PAK2: variants seen among roughly 807,000 people sequenced by gnomAD.
The protein encoded by PAK2 is p21 (RAC1) activated kinase 2.
In PAK2, 21 loss-of-function variants were observed where a neutral mutation model predicts 65.9. That is an observed-to-expected ratio of 0.32 (90% CI 0.23 to 0.46). The LOEUF (loss-of-function observed/expected upper bound fraction) is 0.46. Among genes scored for constraint, PAK2 ranks in the 20% least tolerant of loss-of-function variants. PAK2 has a pLI of 1.00. For synonymous variants in PAK2, 204 were observed against 219.7 expected, an observed-to-expected ratio of 0.93 and a Z score of 0.63; for missense variants, 324 against 642.6, an observed-to-expected ratio of 0.50 and a Z score of 5.36.
intron 2 of PAK2, 38 bp downstream of exon 2, chr3:196,782,871 G>A (rs752365116): frequency 3.6e-6 from 5 of 1,374,908 alleles, no homozygotes; most frequent in South Asian, 1.3e-5. Context: ...CTCAGCATTG[G>A]TTTATTATTG....
chr3:196,827,531 C>G, intron 14 of PAK2, 198 bp downstream of exon 14: 1 of 670,340 alleles, frequency 1.5e-6, no homozygotes, highest in Non-Finnish European at 1.8e-6. Context: ...CATGTTCCCA[C>G]TCATAGGTGG....
chr3:196,761,942 G>T (rs1713987818), intron 1 of PAK2, among the ~76,000 whole-genome samples: 1 of 138,658 alleles, frequency 7.2e-6, no homozygotes, highest in Admixed American at 7.0e-5. Flanking sequence ...TTCTCAGACG[G>T]GGCAGCTGCC....
chr3:196,741,009 G>A (rs1424540357), intron 1 of PAK2, among the ~76,000 whole-genome samples: 1 of 152,208 alleles, frequency 6.6e-6, no homozygotes, highest in African/African-American at 2.4e-5. Flanking sequence ...TGGGCAGTGT[G>A]AGCGTGATTT....
intron 1 of PAK2, among the ~76,000 whole-genome samples, chr3:196,751,329 C>A (rs1446390521): frequency 6.6e-6 from 1 of 151,962 alleles, no homozygotes; most frequent in Non-Finnish European, 1.5e-5. Flanking sequence ...GTACTTAATG[C>A]AAACCATGTT....
At chr3:196,766,938 G>GTA (rs1432073099) in intron 1 of PAK2, among the ~76,000 whole-genome samples, 1 of 129,476 alleles carries the variant, frequency 7.7e-6, no homozygotes, top group Non-Finnish European at 1.6e-5. Context: ...CCCCGTGTGT[G>GTA]TGTGTGTGTG....
intron 1 of PAK2, among the ~76,000 whole-genome samples, chr3:196,767,643 C>G (rs889619351): frequency 2.0e-5 from 3 of 151,880 alleles, no homozygotes; most frequent in Non-Finnish European, 4.4e-5. Context: ...TGACCGCCAC[C>G]ACGCCCAGCT....
intron 2 of PAK2, among the ~76,000 whole-genome samples, chr3:196,787,748 A>G (rs1275847348): frequency 1.3e-5 from 2 of 152,016 alleles, no homozygotes; most frequent in African/African-American, 4.8e-5. Flanking sequence ...AGATGTGTGG[A>G]ATGTTTGGAG....
intron 1 of PAK2, among the ~76,000 whole-genome samples, chr3:196,766,306 C>T (rs1405684676): frequency 6.6e-6 from 1 of 152,060 alleles, no homozygotes; most frequent in Admixed American, 6.6e-5. Context: ...ACAATAGAGG[C>T]ATAACCTATA....
chr3:196,780,344 A>G (rs1714666649), intron 1 of PAK2, among the ~76,000 whole-genome samples: 1 of 152,190 alleles, frequency 6.6e-6, no homozygotes, highest in African/African-American at 2.4e-5. Flanking sequence ...GTTTAATTGG[A>G]CTTACATTTC....
chr3:196,811,197 TCC>T (rs1715776530), intron 8 of PAK2, among the ~76,000 whole-genome samples: 1 of 8,544 alleles, frequency 1.2e-4, no homozygotes, highest in Non-Finnish European at 2.6e-4. Context: ...ATGAATTCCT[TCC>T]TCCCTTCCTT....
At chr3:196,813,646 A>G (rs970954751) in intron 10 of PAK2, among the ~76,000 whole-genome samples, 1 of 152,088 alleles carries the variant, frequency 6.6e-6, no homozygotes, top group Non-Finnish European at 1.5e-5. Flanking sequence ...TATGGAGAAC[A>G]TGTTCATAGA....
intron 2 of PAK2, among the ~76,000 whole-genome samples, chr3:196,789,470 T>TTTTTCTC (rs1714996584): frequency 7.3e-6 from 1 of 136,706 alleles, no homozygotes; most frequent in South Asian, 2.2e-4. Flanking sequence ...TGGAAAACAA[T>TTTTTCTC]TTTTCTTTTT....
At chr3:196,813,544 T>C (rs1209050961) in intron 10 of PAK2, among the ~76,000 whole-genome samples, 1 of 152,104 alleles carries the variant, frequency 6.6e-6, no homozygotes, top group Non-Finnish European at 1.5e-5. Context: ...AGTGGTTTTA[T>C]TGAAGATAGA....
intron 13 of PAK2, among the ~76,000 whole-genome samples, chr3:196,824,109 G>A (rs958894784): frequency 1.3e-5 from 2 of 152,160 alleles, no homozygotes; most frequent in Admixed American, 6.5e-5. Flanking sequence ...TCTAAGACCA[G>A]GAAAGCACTG....
At position 196,812,287 on chromosome 3, in the gene PAK2, C is replaced by T. The variant is rs751630016; in HGVS notation, c.822+20C>T. The T allele has an allele frequency of 2.7e-6, 4 of 1,460,862 alleles. No homozygotes were observed. The East Asian group carries it at 9.1e-5, about 33-fold the overall frequency. The allele number at this position is 1,460,862 out of a possible 1,614,324, so 90.5% of individuals were successfully genotyped here. On this transcript the variant is annotated intron_variant, in intron 9 of 14. Transcript: ENST00000327134. ...CAGGAGGTAGTTACTTTGTTGTAAT[C>T]CTGGGTGTTACCATTATTTTGTCAT...
At chr3:196,753,735 C>T (rs1019829269) in intron 1 of PAK2, among the ~76,000 whole-genome samples, 3 of 152,102 alleles carry the variant, frequency 2.0e-5, no homozygotes, top group African/African-American at 7.2e-5. Flanking sequence ...TATCGCCTTG[C>T]ATTAATCATT....
chr3:196,765,004 C>A (rs1219310705), intron 1 of PAK2, among the ~76,000 whole-genome samples: 1 of 149,450 alleles, frequency 6.7e-6, no homozygotes, highest in African/African-American at 2.5e-5. Context: ...GCCACCACGC[C>A]CAGCTAATTT....
intron 1 of PAK2, among the ~76,000 whole-genome samples, chr3:196,779,795 C>T (rs762567916): frequency 5.1e-4 from 77 of 152,158 alleles, no homozygotes; most frequent in Admixed American, 9.2e-4. Context: ...CTCAGCCTCC[C>T]GAGTAGCTGG....
chr3:196,756,196 T>C (rs1359624577), intron 1 of PAK2, among the ~76,000 whole-genome samples: 2 of 152,172 alleles, frequency 1.3e-5, no homozygotes, highest in African/African-American at 2.4e-5. Flanking sequence ...TTTAATGTGG[T>C]GATTGAGTGA....
Sources: gnomAD v4.1 joint callset for allele counts (sites outside exome capture counted in the v4.1 genomes callset) on GRCh38, gnomAD v4.1.1 for gene constraint, MANE v1.5 for transcripts, NCBI Gene and HGNC (gene_info 2026-07-23, HGNC 2026-07-21) for gene names.